EPHA2: variants seen among roughly 807,000 people sequenced by gnomAD.
The protein encoded by EPHA2 is EPH receptor A2.
EPHA2 carries 54 observed loss-of-function variants against 104.9 expected under a neutral mutation model. That is an observed-to-expected ratio of 0.51 (90% CI 0.41 to 0.65). The LOEUF (loss-of-function observed/expected upper bound fraction) is 0.65, where lower values mean the gene tolerates loss of function less well. Among genes scored for constraint, EPHA2 ranks in the 30% least tolerant of loss-of-function variants. The pLI is 0.00. For synonymous variants in EPHA2, 560 were observed against 559.1 expected, an observed-to-expected ratio of 1.00 and a Z score of -0.02; for missense variants, 1,117 against 1,369.5, an observed-to-expected ratio of 0.82 and a Z score of 2.91.
chr1:16,140,775 A>G (rs1221630079), intron 3 of EPHA2, among the ~76,000 whole-genome samples: 4 of 152,152 alleles, frequency 2.6e-5, no homozygotes, highest in African/African-American at 9.7e-5. Flanking sequence ...CCGGCCATCA[A>G]GCCTGGCTAA....
Position 16,130,136 on chromosome 1 carries a change from G to A in EPHA2, c.2669+90C>T. 1 of 1,564,310 alleles carries A rather than the reference G, an allele frequency of 6.4e-7. No individual in the cohort carries two copies. Among genetic ancestry groups the A allele is most frequent in the Non-Finnish European group, 8.8e-7 (1 of 1,137,594 alleles). ...TTAGCCCCCAGCACCCCCCCTACCA[G>A]CTTCACCTGGGTGGCCACTCTACCG... On this transcript the variant is annotated intron_variant, in intron 15 of 16. Coordinates refer to ENST00000358432, the MANE Select transcript of EPHA2 (RefSeq NM_004431.5). The surrounding 1 kb of genome is among the most constrained non-coding windows in gnomAD (Gnocchi z 4.5).
In EPHA2 at chr1:16,150,298, C is replaced by T. The variant is rs1011612732; in HGVS notation, c.153+598G>A. ...GAGCCACATCTTCCCCAAGATCACA[C>T]AGCAGACACACACAGCCAGGGGAAG... On this transcript the variant is annotated intron_variant, in intron 2 of 16. Coordinates refer to ENST00000358432, the MANE Select transcript of EPHA2 (RefSeq NM_004431.5). This position sits in a 1 kb window ranked among gnomAD's most constrained non-coding sequence, Gnocchi z 4.8. Among the ~76,000 whole-genome samples the T allele has an allele frequency of 4.6e-5, 7 of 152,186 alleles. No homozygotes were observed. Among genetic ancestry groups the T allele is most frequent in the East Asian group, 3.8e-4 (2 of 5,198 alleles).
In EPHA2 at chr1:16,138,003, G is replaced by T; in HGVS notation, c.1162C>A (p.Pro388Thr). Residue 388 changes from proline (P) to threonine (T), a missense_variant, in exon 5 of 17, where the codon CCT becomes ACT. Pro to Thr is a conservative substitution (Grantham distance 38, BLOSUM62 -1). Around this residue, in one of 3 missense-constraint regions of EPHA2, gnomAD observed 664 missense variants for 784.8 expected, o/e 0.85. Transcript: ENST00000358432. The stretch of plus-strand genomic sequence containing the variant: ...CTGGTGCGGGTCAGTCCGTGAGGAG[G>T]CTCCGAGTAGCGCACACTGGCCTCA... ...PCEASVRYSEPPHGLTRTSVT... is the reference protein window; with the variant it reads ...PCEASVRYSETPHGLTRTSVT... 6.2e-7 allele frequency: 1 copy of T among 1,613,924 alleles called. No homozygotes were observed. The highest frequency in any genetic ancestry group is 8.5e-7 in the Non-Finnish European group (1 of 1,180,008).
rs2124196072 is a variant in EPHA2, at chr1:16,130,475, C to T, written c.2476-56G>A. ...TGCAGAAAGCCACTGAAACCCTCTG[C>T]AGCCTCCAGCCTATGGAGGTGGGCA... On this transcript the variant is annotated intron_variant, in intron 14 of 16. Transcript: ENST00000358432. The surrounding 1 kb of genome is among the most constrained non-coding windows in gnomAD (Gnocchi z 4.5). 6.7e-7 allele frequency: 1 copy of T among 1,490,640 alleles called. No individual in the cohort carries two copies. The highest frequency in any genetic ancestry group is 9.0e-7 in the Non-Finnish European group (1 of 1,113,968). The allele number at this position is 1,490,640 out of a possible 1,614,324, so 92.3% of individuals were successfully genotyped here. A position where few individuals can be genotyped will look rare whatever the true frequency, so the allele number is the denominator to read the frequency against.
rs1480334845 is a variant in EPHA2 at position 16,135,965 on chromosome 1, T to C, written c.1313-195A>G. Among the ~76,000 whole-genome samples the C allele has an allele frequency of 6.6e-6, 1 of 152,136 alleles. No individual in the cohort carries two copies. The highest frequency in any genetic ancestry group is 1.5e-5 in the Non-Finnish European group (1 of 68,008). On this transcript the variant is annotated intron_variant, in intron 5 of 16. Coordinates refer to ENST00000358432, the MANE Select transcript of EPHA2 (RefSeq NM_004431.5). This position sits in a 1 kb window ranked among gnomAD's most constrained non-coding sequence, Gnocchi z 4.3. ...GGCCCACTACAGCTTTGAACTCCTG[T>C]GCTCAAGTGATCCTCCTGCCTCAGC...
intron 5 of EPHA2, among the ~76,000 whole-genome samples, chr1:16,136,424 A>T (rs2024685455): frequency 6.6e-6 from 1 of 151,438 alleles, no homozygotes. Flanking sequence ...GTTCGAGACC[A>T]GCCTGACCAA....
chr1:16,144,791 T>A lies in EPHA2; in HGVS notation c.823+3587A>T, dbSNP rs181100880. Among the ~76,000 whole-genome samples, 595 of 150,776 alleles carry A rather than the reference T, an allele frequency of 3.9e-3. 9 individuals are homozygous for A. The highest frequency in any genetic ancestry group is 0.014 in the African/African-American group (557 of 40,052). On this transcript the variant is annotated intron_variant, in intron 3 of 16. Coordinates refer to ENST00000358432, the MANE Select transcript of EPHA2 (RefSeq NM_004431.5). ...CACACCAGGGGCAACTGCCTTCCTG[T>A]GCCAGGCCCCCGTTCTTTTGGTCAC...
In EPHA2 at chr1:16,131,959, C is replaced by T. The variant is rs1426427312; in HGVS notation, c.2326-89G>A. ...AAGCCCCACGACCCCTCCCTGGACT[C>T]CTACAGGTGTTCTGCCTCCTGAAGC... On this transcript the variant is annotated intron_variant, in intron 13 of 16. Coordinates refer to ENST00000358432, the MANE Select transcript of EPHA2 (RefSeq NM_004431.5). This position sits in a 1 kb window ranked among gnomAD's most constrained non-coding sequence, Gnocchi z 5.2. 1 of 1,602,822 alleles carries T rather than the reference C, an allele frequency of 6.2e-7. No homozygotes were observed. The highest frequency in any genetic ancestry group is 8.5e-7 in the Non-Finnish European group (1 of 1,174,034).
At chr1:16,144,518 G>C (rs906557457) in intron 3 of EPHA2, among the ~76,000 whole-genome samples, 1 of 152,214 alleles carries the variant, frequency 6.6e-6, no homozygotes, top group Non-Finnish European at 1.5e-5. Context: ...ACTCCTCCCT[G>C]TCAGCTATGG....
In EPHA2 at chr1:16,125,253, G is replaced by A. The variant is rs760557758; in HGVS notation, c.2893C>T (p.Leu965Phe). The change falls in exon 17 of 17, where the codon CTC becomes TTC. Residue 965 changes from leucine to phenylalanine, a missense_variant. Transcript: ENST00000358432. The surrounding 1 kb of genome is among the most constrained non-coding windows in gnomAD (Gnocchi z 4.9). ...QKRIAYSLLGLKDQVNTVGIP... is the reference protein window; with the variant it reads ...QKRIAYSLLGFKDQVNTVGIP... Reference sequence around the variant, plus strand: ...CCCACAGTGTTCACCTGGTCCTTGAGTCCCAGCAGGCTGTAGGCGATGCGC... The same window carrying A: ...CCCACAGTGTTCACCTGGTCCTTGAATCCCAGCAGGCTGTAGGCGATGCGC... 5 of 1,614,034 alleles carry A rather than the reference G, an allele frequency of 3.1e-6. No homozygotes were observed. In the Admixed American group the frequency reaches 8.3e-5, roughly 27 times the overall value.
chr1:16,142,347 T>C (rs2024838224), intron 3 of EPHA2, among the ~76,000 whole-genome samples: 2 of 152,282 alleles, frequency 1.3e-5, no homozygotes, highest in Non-Finnish European at 2.9e-5. Flanking sequence ...TTGGCTTTTA[T>C]GCTCCATTTG....
In EPHA2 at chr1:16,131,789, A is replaced by G. The variant is rs1303064934; in HGVS notation, c.2407T>C (p.Phe803Leu). 1.2e-6 allele frequency: 2 copies of G among 1,614,096 alleles called. No homozygotes were observed. Among genetic ancestry groups the G allele is most frequent in the Non-Finnish European group, 1.7e-6 (2 of 1,180,006 alleles). ...ATCACCTCCCACATGACAATGCCAA[A>G]GCTCCACACGTCGCTGGCAGAGGTG... ...KFTSASDVWS[F>L]GIVMWEVMTY... Residue 803 changes from phenylalanine (F) to leucine (L), a missense_variant, in exon 14 of 17, where the codon TTT becomes CTT. Coordinates refer to ENST00000358432, the MANE Select transcript of EPHA2 (RefSeq NM_004431.5). The surrounding 1 kb of genome is among the most constrained non-coding windows in gnomAD (Gnocchi z 5.2).
Position 16,125,335 on chromosome 1 carries a change from G to A in EPHA2, c.2826-15C>T. The A allele has an allele frequency of 1.3e-6, 2 of 1,561,496 alleles. No homozygotes were observed. The highest frequency in any genetic ancestry group is 1.7e-6 in the Non-Finnish European group (2 of 1,145,650). ...TCTTGATGTCGCTGTGGGCCGGGAG[G>A]GAGAGAGGGAGAGTTAGGGGCTGGA... On this transcript the variant is annotated splice_polypyrimidine_tract_variant and intron_variant, in intron 16 of 16. Coordinates refer to ENST00000358432, the MANE Select transcript of EPHA2 (RefSeq NM_004431.5). The surrounding 1 kb of genome is among the most constrained non-coding windows in gnomAD (Gnocchi z 4.9).
At position 16,135,596 on chromosome 1, in the gene EPHA2, A is replaced by G; in HGVS notation, c.1428+59T>C. On this transcript the variant is annotated intron_variant, in intron 6 of 16. Transcript: ENST00000358432. The surrounding 1 kb of genome is among the most constrained non-coding windows in gnomAD (Gnocchi z 4.3). Reference sequence around the variant, plus strand: ...GGGTGGTTTGGTGATCATCTATGTGACCAGCCTGTCCCCTGCTGTCGGCCC... The same window carrying G: ...GGGTGGTTTGGTGATCATCTATGTGGCCAGCCTGTCCCCTGCTGTCGGCCC... The G allele has an allele frequency of 1.3e-6, 2 of 1,502,384 alleles. No homozygotes were observed. Among genetic ancestry groups the G allele is most frequent in the Non-Finnish European group, 1.9e-6 (2 of 1,079,086 alleles). The allele number at this position is 1,502,384 out of a possible 1,614,324, so 93.1% of individuals were successfully genotyped here.
rs2024457400 is a variant in EPHA2, at chr1:16,125,926, G to A, written c.2826-606C>T. 6.6e-6 allele frequency among the ~76,000 whole-genome samples: 1 copy of A among 152,182 alleles called. No homozygotes were observed. The highest frequency in any genetic ancestry group is 1.5e-5 in the Non-Finnish European group (1 of 68,030). ...CCAAGTTCCCACTGCTGATCATGAA[G>A]GAAGGACTTGGGAAATACTTGAAGG... On this transcript the variant is annotated intron_variant, in intron 16 of 16. Coordinates refer to ENST00000358432, the MANE Select transcript of EPHA2 (RefSeq NM_004431.5). This position sits in a 1 kb window ranked among gnomAD's most constrained non-coding sequence, Gnocchi z 4.9.
In EPHA2 at chr1:16,125,084, A is replaced by C. The variant is rs2024439478; in HGVS notation, c.*131T>G. The stretch of plus-strand genomic sequence containing the variant: ...GCCAGGGTGTCATCCGAGACCCCTC[A>C]GCGGAAGTTGCAGGGGGAGGAAAGA... On this transcript the variant is annotated 3_prime_UTR_variant, in exon 17 of 17. Coordinates refer to ENST00000358432, the MANE Select transcript of EPHA2 (RefSeq NM_004431.5). This position sits in a 1 kb window ranked among gnomAD's most constrained non-coding sequence, Gnocchi z 4.9. 2.4e-6 allele frequency: 2 copies of C among 839,484 alleles called. No individual in the cohort carries two copies. The highest frequency in any genetic ancestry group is 3.4e-5 in the African/African-American group (2 of 59,582). 52.0% of individuals were successfully genotyped at this position (839,484 alleles called of 1,614,324 possible).
chr1:16,129,998 A>T (rs2024543055), intron 15 of EPHA2, among the ~76,000 whole-genome samples: 1 of 152,222 alleles, frequency 6.6e-6, no homozygotes, highest in Non-Finnish European at 1.5e-5. Context: ...AAATGAATGA[A>T]AACATATTAA....
chr1:16,127,888 G>C (rs1281798379), intron 16 of EPHA2, among the ~76,000 whole-genome samples: 3 of 152,186 alleles, frequency 2.0e-5, no homozygotes, highest in African/African-American at 4.8e-5. Context: ...AATTGGCGAG[G>C]AGCACCCTGG....
intron 3 of EPHA2, among the ~76,000 whole-genome samples, chr1:16,144,315 C>G (rs1003982895): frequency 6.6e-5 from 10 of 152,138 alleles, no homozygotes; most frequent in African/African-American, 2.4e-4. Context: ...AGAAACATCA[C>G]AGAAATAAGG....
Sources: allele counts gnomAD v4.1 joint callset (sites outside exome capture counted in the v4.1 genomes callset), GRCh38; gene constraint gnomAD v4.1.1; regional missense constraint gnomAD v4.1.1; non-coding constraint Gnocchi (gnomAD v3.1); transcripts MANE v1.5; gene names NCBI Gene and HGNC (gene_info 2026-07-23, HGNC 2026-07-21).